Variants in PDE4D observed in about 807,000 individuals in gnomAD.
PDE4D encodes phosphodiesterase 4D, also known as 3',5'-cyclic-AMP phosphodiesterase 4D.
Under a neutral mutation model 87.4 loss-of-function variants are expected in PDE4D, and 24 were observed. That is an observed-to-expected ratio of 0.27 (90% CI 0.20 to 0.39). The LOEUF (loss-of-function observed/expected upper bound fraction) is 0.39, where lower values mean the gene tolerates loss of function less well. Ranked by LOEUF, PDE4D falls within the 10% of genes least tolerant of loss-of-function variation. The pLI is 1.00. For missense variants in PDE4D, 714 were observed against 1,041.0 expected (o/e 0.69, Z 4.32); for synonymous variants, 384 against 383.2 (o/e 1.00, Z -0.02).
chr5:60,479,334 T>C (rs1244151392), intron 1 of PDE4D, among the ~76,000 whole-genome samples: 1 of 152,146 alleles, frequency 6.6e-6, no homozygotes, highest in African/African-American at 2.4e-5. Context: ...GAGCAACAAA[T>C]ACTAAAATGA....
At chr5:59,071,565 T>A (rs1764801038) in intron 5 of PDE4D, among the ~76,000 whole-genome samples, 1 of 145,710 alleles carries the variant, frequency 6.9e-6, no homozygotes, top group South Asian at 2.4e-4. Flanking sequence ...TTCCATAGCA[T>A]CTGCTTTTGT....
At chr5:59,663,133 C>T (rs1019477271) in intron 1 of PDE4D, among the ~76,000 whole-genome samples, 1 of 151,996 alleles carries the variant, frequency 6.6e-6, no homozygotes, top group African/African-American at 2.4e-5. Flanking sequence ...TTAGAAATTA[C>T]TCAACTCACT....
chr5:59,399,564 C>T (rs1354955426), intron 1 of PDE4D, among the ~76,000 whole-genome samples: 65 of 132,500 alleles, frequency 4.9e-4, no homozygotes, highest in Non-Finnish European at 3.6e-4. Context: ...TTCCTTACAC[C>T]TTATACAAAA....
At chr5:59,075,104 ACAC>A (rs1765472849) in intron 5 of PDE4D, among the ~76,000 whole-genome samples, 1 of 150,726 alleles carries the variant, frequency 6.6e-6, no homozygotes. Context: ...ACACACACAC[ACAC>A]ACACACACAC....
intron 1 of PDE4D, among the ~76,000 whole-genome samples, chr5:59,564,168 A>G (rs1315980690): frequency 1.3e-5 from 2 of 152,204 alleles, no homozygotes; most frequent in African/African-American, 4.8e-5. Flanking sequence ...TCAAAACACT[A>G]TTCATGAAGA....
intron 1 of PDE4D, among the ~76,000 whole-genome samples, chr5:59,621,765 TTTAC>T (rs1247152967): frequency 6.6e-6 from 1 of 152,100 alleles, no homozygotes; most frequent in African/African-American, 2.4e-5. Flanking sequence ...TCCAAATCAT[TTTAC>T]TTGACTTTTT....
At chr5:59,952,514 T>C (rs1249821216) in intron 3 of PDE4D, among the ~76,000 whole-genome samples, 1 of 152,202 alleles carries the variant, frequency 6.6e-6, no homozygotes, top group Non-Finnish European at 1.5e-5. Context: ...GATCTTCTTA[T>C]GTTACTTTAC....
intron 2 of PDE4D, among the ~76,000 whole-genome samples, chr5:60,160,113 T>C (rs1223203152): frequency 6.6e-6 from 1 of 152,084 alleles, no homozygotes; most frequent in Non-Finnish European, 1.5e-5. Context: ...CATTTCCACT[T>C]AATGAATGGT....
At chr5:59,214,553 G>A (rs141154079) in intron 2 of PDE4D, among the ~76,000 whole-genome samples, 1 of 152,216 alleles carries the variant, frequency 6.6e-6, no homozygotes, top group Non-Finnish European at 1.5e-5. Context: ...TATTACAATG[G>A]TCTAAAATGC....
chr5:58,975,946 C>G lies in PDE4D; in HGVS notation c.1831-107G>C. On this transcript the variant is annotated intron_variant, in intron 13 of 14. Transcript: ENST00000340635. The surrounding 1 kb of genome is among the most constrained non-coding windows in gnomAD (Gnocchi z 4.2). ...TGGATGACTGCAACACTTAAAAATA[C>G]ACGTAGTGTAAGATTTATTCCAAAC... 1.3e-6 allele frequency: 1 copy of G among 799,382 alleles called. No homozygotes were observed. Among genetic ancestry groups the G allele is most frequent in the Non-Finnish European group, 1.8e-6 (1 of 542,034 alleles). The allele number at this position is 799,382 out of a possible 1,614,324, so 49.5% of individuals were successfully genotyped here.
chr5:59,886,719 A>G (rs968017601), intron 1 of PDE4D, among the ~76,000 whole-genome samples: 1 of 152,102 alleles, frequency 6.6e-6, no homozygotes, highest in African/African-American at 2.4e-5. Context: ...GAAAAGGCAC[A>G]GAGAACTCAG....
chr5:59,665,421 A>C (rs1171357330), intron 1 of PDE4D, among the ~76,000 whole-genome samples: 1 of 152,186 alleles, frequency 6.6e-6, no homozygotes, highest in Non-Finnish European at 1.5e-5. Flanking sequence ...TCACTGAACC[A>C]TTTTTATTTT....
chr5:59,844,961 G>C (rs572050644), intron 1 of PDE4D, among the ~76,000 whole-genome samples: 1 of 152,202 alleles, frequency 6.6e-6, no homozygotes, highest in South Asian at 2.1e-4. Context: ...GCCACGTTGT[G>C]AGAGGATCTG....
chr5:60,183,026 A>T (rs1413439281), intron 2 of PDE4D, among the ~76,000 whole-genome samples: 1 of 152,186 alleles, frequency 6.6e-6, no homozygotes, highest in Non-Finnish European at 1.5e-5. Context: ...AGATGAATTC[A>T]TGAAGGTGGG....
chr5:60,452,981 T>C (rs1360500660), intron 1 of PDE4D, among the ~76,000 whole-genome samples: 1 of 152,098 alleles, frequency 6.6e-6, no homozygotes, highest in African/African-American at 2.4e-5. Context: ...GAGAGAACCT[T>C]ACATCATTGT....
At chr5:59,782,666 C>T (rs1378823738) in intron 1 of PDE4D, among the ~76,000 whole-genome samples, 3 of 152,184 alleles carry the variant, frequency 2.0e-5, no homozygotes, top group Non-Finnish European at 4.4e-5. Flanking sequence ...TCCTAATGGT[C>T]CTGTCCACCT....
rs533756243 is a variant in PDE4D, at chr5:60,025,909, T to A, written c.43-37192A>T. Reference sequence around the variant, plus strand: ...AAACAACAAACAAACAAATCCTAAATATTATGAGTTAATTTATTTTTTATA... The same window carrying A: ...AAACAACAAACAAACAAATCCTAAAAATTATGAGTTAATTTATTTTTTATA... On this transcript the variant is annotated intron_variant, in intron 2 of 16. Coordinates refer to the PDE4D transcript ENST00000502484. Among the ~76,000 whole-genome samples, 3 of 152,192 alleles carry A rather than the reference T, an allele frequency of 2.0e-5. No individual in the cohort carries two copies. The South Asian group carries it at 6.2e-4, about 32-fold the overall frequency.
intron 1 of PDE4D, among the ~76,000 whole-genome samples, chr5:60,364,740 T>A (rs1012345704): frequency 2.0e-5 from 3 of 152,224 alleles, no homozygotes; most frequent in Non-Finnish European, 2.9e-5. Flanking sequence ...TTAAAACAGG[T>A]GGCATTTCTA....
intron 1 of PDE4D, among the ~76,000 whole-genome samples, chr5:60,375,590 C>T (rs933946680): frequency 2.0e-5 from 3 of 152,138 alleles, no homozygotes; most frequent in Non-Finnish European, 4.4e-5. Flanking sequence ...GAAAAAGATG[C>T]CCCTTTTACA....
Sources: gnomAD v4.1 joint callset for allele counts (sites outside exome capture counted in the v4.1 genomes callset) on GRCh38, gnomAD v4.1.1 for gene constraint, Gnocchi (gnomAD v3.1) non-coding constraint, MANE v1.5 for transcripts, NCBI Gene and HGNC (gene_info 2026-07-23, HGNC 2026-07-21) for gene names.